The following KCNQ1 variants were observed in gnomAD, a reference collection of about 807,000 sequenced individuals.
The protein encoded by KCNQ1 is potassium voltage-gated channel subfamily Q member 1, also known as potassium voltage-gated channel subfamily KQT member 1.
In KCNQ1, 49 loss-of-function variants were observed where a neutral mutation model predicts 72.4. That is an observed-to-expected ratio of 0.68 (90% CI 0.54 to 0.86). The LOEUF (loss-of-function observed/expected upper bound fraction) is 0.86. Among genes scored for constraint, KCNQ1 ranks in the 40% least tolerant of loss-of-function variants. KCNQ1 has a pLI of 0.00. For synonymous variants in KCNQ1, 450 were observed against 412.6 expected, an observed-to-expected ratio of 1.09 and a Z score of -1.10; for missense variants, 790 against 945.1, an observed-to-expected ratio of 0.84 and a Z score of 2.15.
intron 2 of KCNQ1, among the ~76,000 whole-genome samples, chr11:2,534,965 T>A (rs1268978234): frequency 6.6e-6 from 1 of 152,188 alleles, no homozygotes; most frequent in Non-Finnish European, 1.5e-5. Context: ...GGAGCCCTGG[T>A]TCCTGTCTGC....
rs1846384283 is a variant in KCNQ1, at chr11:2,468,291, T to C, written c.386+22807T>C. Reference sequence around the variant, plus strand: ...CCTCCTGAGTAGCTGGGACTACAGATGCACACCACCACGCCTGGCTAATTT... The same window carrying C: ...CCTCCTGAGTAGCTGGGACTACAGACGCACACCACCACGCCTGGCTAATTT... On this transcript the variant is annotated intron_variant, in intron 1 of 15. Coordinates refer to ENST00000155840, the MANE Select transcript of KCNQ1 (RefSeq NM_000218.3). This position sits in a 1 kb window ranked among gnomAD's most constrained non-coding sequence, Gnocchi z 5.7. 6.6e-6 allele frequency among the ~76,000 whole-genome samples: 1 copy of C among 152,104 alleles called. No individual in the cohort carries two copies. Among genetic ancestry groups the C allele is most frequent in the Admixed American group, 6.6e-5 (1 of 15,264 alleles).
rs1846615908 is a variant in KCNQ1, at chr11:2,772,291, A to G, written c.1590+3372A>G. On this transcript the variant is annotated intron_variant, in intron 12 of 15. Transcript: ENST00000155840. This position sits in a 1 kb window ranked among gnomAD's most constrained non-coding sequence, Gnocchi z 6.6. ...GACATGGCAGGTGACCCCTCTGCCT[A>G]CCTTGCTGGCTGATAAGTCCTTGGC... Among the ~76,000 whole-genome samples, 2 of 152,002 alleles carry G rather than the reference A, an allele frequency of 1.3e-5. No homozygotes were observed. Among genetic ancestry groups the G allele is most frequent in the South Asian group, 4.1e-4 (2 of 4,822 alleles).
At chr11:2,560,326 G>A (rs1287892760) in intron 2 of KCNQ1, among the ~76,000 whole-genome samples, 11 of 69,796 alleles carry the variant, frequency 1.6e-4, no homozygotes, top group Non-Finnish European at 2.3e-4. Context: ...TGAGGGAACA[G>A]GGGGGTGACG....
intron 15 of KCNQ1, among the ~76,000 whole-genome samples, chr11:2,790,329 G>C (rs538509729): frequency 1.3e-5 from 2 of 152,348 alleles, no homozygotes; most frequent in African/African-American, 4.8e-5. Context: ...CCTGGCAGCA[G>C]TGCCCTAGCC....
intron 12 of KCNQ1, among the ~76,000 whole-genome samples, chr11:2,774,771 A>G (rs569367573): frequency 3.9e-5 from 6 of 152,258 alleles, no homozygotes; most frequent in East Asian, 1.9e-4. Context: ...TCCTCAGATT[A>G]AGGTCACCCT....
At chr11:2,551,358 G>A (rs767083038) in intron 2 of KCNQ1, among the ~76,000 whole-genome samples, 3 of 152,204 alleles carry the variant, frequency 2.0e-5, no homozygotes, top group Non-Finnish European at 4.4e-5. Context: ...GGAATCTCGC[G>A]GCGTGTAGCC....
chr11:2,684,108 CAT>C, intron 11 of KCNQ1: 1 of 398,606 alleles, frequency 2.5e-6, no homozygotes, highest in Admixed American at 4.4e-5. Context: ...AACCCTTTCA[CAT>C]AGATTCTTAA....
intron 15 of KCNQ1, among the ~76,000 whole-genome samples, chr11:2,796,261 C>T (rs547745861): frequency 8.5e-5 from 13 of 152,350 alleles, no homozygotes; most frequent in African/African-American, 2.6e-4. Context: ...TGCCAGGTGA[C>T]GCTGCCCCAT....
chr11:2,776,785 T>A (rs1439471939), intron 13 of KCNQ1, among the ~76,000 whole-genome samples: 1 of 152,086 alleles, frequency 6.6e-6, no homozygotes, highest in Non-Finnish European at 1.5e-5. Context: ...CTTTCCGAGA[T>A]CCCTGCTCAG....
In KCNQ1 at chr11:2,516,083, G is replaced by C. The variant is rs2133624872; in HGVS notation, c.387-11845G>C. On this transcript the variant is annotated intron_variant, in intron 1 of 15. Coordinates refer to ENST00000155840, the MANE Select transcript of KCNQ1 (RefSeq NM_000218.3). The surrounding 1 kb of genome is among the most constrained non-coding windows in gnomAD (Gnocchi z 7.0). The stretch of plus-strand genomic sequence containing the variant: ...GAATCTCCCTGTGGAAGGCCAGGCT[G>C]CCTGGATGCCCACCACTCCAGGCTT... Among the ~76,000 whole-genome samples the C allele has an allele frequency of 6.6e-6, 1 of 152,258 alleles. No individual in the cohort carries two copies. The highest frequency in any genetic ancestry group is 2.1e-4 in the South Asian group (1 of 4,818).
intron 11 of KCNQ1, chr11:2,667,484 G>C (rs1446792387): frequency 5.1e-6 from 2 of 395,894 alleles, no homozygotes; most frequent in South Asian, 1.3e-4. Flanking sequence ...ATGTGACAGA[G>C]AGAACATTCA....
rs904421880 is a variant in KCNQ1, at chr11:2,816,358, T to C, written c.1795-31409T>C. Among the ~76,000 whole-genome samples, 1 of 152,114 alleles carries C rather than the reference T, an allele frequency of 6.6e-6. No homozygotes were observed. The highest frequency in any genetic ancestry group is 1.5e-5 in the Non-Finnish European group (1 of 68,014). On this transcript the variant is annotated intron_variant, in intron 15 of 15. Transcript: ENST00000155840. This position sits in a 1 kb window ranked among gnomAD's most constrained non-coding sequence, Gnocchi z 6.8. ...GGCCTCCAGCGCCGTGGGGGAGAAT[T>C]TCAAGAGCCTTTTGTGAAAATGGTC... is the stretch of plus-strand genomic sequence containing the variant.
chr11:2,622,503 C>T, intron 10 of KCNQ1: 1 of 398,314 alleles, frequency 2.5e-6, no homozygotes, highest in Non-Finnish European at 4.4e-6. Context: ...TCCATTCTGC[C>T]AACCTCTGCT....
intron 2 of KCNQ1, among the ~76,000 whole-genome samples, chr11:2,530,674 C>A (rs956106549): frequency 2.0e-5 from 3 of 152,178 alleles, no homozygotes; most frequent in African/African-American, 7.2e-5. Flanking sequence ...GACTTTCACG[C>A]ATGTTTGGCT....
rs545288182 is a variant in KCNQ1 at position 2,447,088 on chromosome 11, T to C, written c.386+1604T>C. ...CAATTCTCACTTGTATTCAGGTTTG[T>C]GGACACATGCCTCCGGGCTCACTGC... On this transcript the variant is annotated intron_variant, in intron 1 of 15. Coordinates refer to ENST00000155840, the MANE Select transcript of KCNQ1 (RefSeq NM_000218.3). The surrounding 1 kb of genome is among the most constrained non-coding windows in gnomAD (Gnocchi z 7.6). Among the ~76,000 whole-genome samples the C allele has an allele frequency of 5.9e-4, 90 of 152,300 alleles. No homozygotes were observed. The highest frequency in any genetic ancestry group is 2.1e-3 in the African/African-American group (89 of 41,560).
rs749351255 is a variant in KCNQ1 at position 2,570,703 on chromosome 11, G to C, written c.553G>C (p.Val185Leu). ...LWSAGCRSKYVGLWGRLRFAR... is the reference protein window; with the variant it reads ...LWSAGCRSKYLGLWGRLRFAR... ...GTCCGCCGGCTGCCGCAGCAAGTACGTGGGCCTCTGGGGGCGGCTGCGCTT... is the reference window on the plus strand; with the variant it reads ...GTCCGCCGGCTGCCGCAGCAAGTACCTGGGCCTCTGGGGGCGGCTGCGCTT... The change falls in exon 3 of 16, where the codon GTG becomes CTG. Residue 185 changes from valine to leucine, a missense_variant. Transcript: ENST00000155840. 10 of 1,612,546 alleles carry C rather than the reference G, an allele frequency of 6.2e-6. No homozygotes were observed. The Admixed American group carries it at 1.3e-4, about 21-fold the overall frequency.
At position 2,508,631 on chromosome 11, in the gene KCNQ1, G is replaced by A. The variant is rs529806618; in HGVS notation, c.387-19297G>A. Among the ~76,000 whole-genome samples the A allele has an allele frequency of 5.9e-5, 9 of 152,274 alleles. No homozygotes were observed. In the South Asian group the frequency reaches 1.9e-3, roughly 32 times the overall value. On this transcript the variant is annotated intron_variant, in intron 1 of 15. Coordinates refer to ENST00000155840, the MANE Select transcript of KCNQ1 (RefSeq NM_000218.3). This position sits in a 1 kb window ranked among gnomAD's most constrained non-coding sequence, Gnocchi z 6.2. ...CAGACTAGCAGGTGGGCTTCTCAGAGCACAGAGGGTGTGGGTGACCCAGAT... is the reference window on the plus strand; with the variant it reads ...CAGACTAGCAGGTGGGCTTCTCAGAACACAGAGGGTGTGGGTGACCCAGAT...
intron 2 of KCNQ1, among the ~76,000 whole-genome samples, chr11:2,535,658 C>T (rs539819356): frequency 5.3e-5 from 8 of 152,316 alleles, no homozygotes; most frequent in South Asian, 4.1e-4. Context: ...ATGCGCTGGC[C>T]GTAGAGCTTC....
intron 2 of KCNQ1, 135 bp downstream of exon 2, chr11:2,528,153 C>T (rs2133650449): frequency 2.5e-6 from 2 of 792,008 alleles, no homozygotes; most frequent in South Asian, 1.4e-5. Context: ...TGCCCTGATA[C>T]AGGGGGCACC....
Sources: gnomAD v4.1 joint callset for allele counts (sites outside exome capture counted in the v4.1 genomes callset) on GRCh38, gnomAD v4.1.1 for gene constraint, Gnocchi (gnomAD v3.1) non-coding constraint, MANE v1.5 for transcripts, NCBI Gene and HGNC (gene_info 2026-07-23, HGNC 2026-07-21) for gene names.